CARD6: variants seen among roughly 807,000 people sequenced by gnomAD.
CARD6 encodes caspase recruitment domain family member 6, also known as caspase recruitment domain-containing protein 6.
A neutral mutation model predicts 23.6 loss-of-function variants in CARD6; 27 were observed. The ratio of observed to expected loss-of-function variants is 1.14; its 90% CI spans 0.84 to 1.58. The LOEUF is 1.58. Among genes scored for constraint, CARD6 ranks in the 40% most tolerant of loss-of-function variants. CARD6 has a pLI of 0.00. For missense variants in CARD6, 1,214 were observed against 1,209.9 expected, an observed-to-expected ratio of 1.00 and a Z score of -0.05; for synonymous variants, 397 against 431.8, an observed-to-expected ratio of 0.92 and a Z score of 1.00.
rs764541220 is a variant in CARD6 at position 40,852,767 on chromosome 5, C to A, written c.1435C>A (p.Gln479Lys). ...RILNTLLSPA[Q>K]LKLHKIFLHQ... ...CCTCAACACACTTCTCAGCCCTGCC[C>A]AGTTGAAATTACACAAAATCTTTCT... is the stretch of plus-strand genomic sequence containing the variant. Residue 479 changes from glutamine to lysine, a missense_variant, in exon 3 of 3, where the codon CAG becomes AAG. Coordinates refer to ENST00000254691, the MANE Select transcript of CARD6 (RefSeq NM_032587.4). 1.2e-6 allele frequency: 2 copies of A among 1,614,138 alleles called. No individual in the cohort carries two copies. Among genetic ancestry groups the A allele is most frequent in the Non-Finnish European group, 1.7e-6 (2 of 1,180,016 alleles).
rs777329484 is a variant in CARD6 at position 40,852,345 on chromosome 5, T to C, written c.1013T>C (p.Val338Ala). ...NFLMKVQARD[V>A]TARDSILSHK... is the part of the protein sequence containing the mutation. Reference sequence around the variant, plus strand: ...CTGATGAAAGTTCAAGCACGAGATGTGACGGCTAGGGATTCAATCCTCAGT... The same window carrying C: ...CTGATGAAAGTTCAAGCACGAGATGCGACGGCTAGGGATTCAATCCTCAGT... The change falls in exon 3 of 3, where the codon GTG becomes GCG. Residue 338 changes from valine (V) to alanine (A), a missense_variant. Physicochemically the swap from Val to Ala is moderately conservative, Grantham distance 64 (BLOSUM62 0). Coordinates refer to ENST00000254691, the MANE Select transcript of CARD6 (RefSeq NM_032587.4). The C allele has an allele frequency of 1.2e-6, 2 of 1,614,122 alleles. No individual in the cohort carries two copies. The highest frequency in any genetic ancestry group is 2.2e-5 in the South Asian group (2 of 91,070).
intron 2 of CARD6, among the ~76,000 whole-genome samples, chr5:40,851,382 T>C (rs1425186435): frequency 1.3e-5 from 2 of 152,130 alleles, no homozygotes; most frequent in African/African-American, 4.8e-5. Context: ...TATATATGCA[T>C]GCATACTTAA....
chr5:40,841,559 G>A lies in CARD6; in HGVS notation c.177G>A (p.Lys59=), dbSNP rs1745860628. Residue 59 remains lysine (K), a synonymous_variant, in exon 1 of 3, where the codon AAG becomes AAA. Transcript: ENST00000254691. Reference sequence around the variant, plus strand: ...CAGATCTCCTGAAGAAAAGTCGGAAGCTGTTAATTTTGGTACAGAAAAAGG... The same window carrying A: ...CAGATCTCCTGAAGAAAAGTCGGAAACTGTTAATTTTGGTACAGAAAAAGG... ...NVTDLLKKSR[K]LLILVQKKGE... 1.2e-6 allele frequency: 2 copies of A among 1,614,158 alleles called. No individual in the cohort carries two copies. Among genetic ancestry groups the A allele is most frequent in the Non-Finnish European group, 1.7e-6 (2 of 1,180,016 alleles).
At chr5:40,848,828 T>A (rs115621846) in intron 2 of CARD6, among the ~76,000 whole-genome samples, 3,390 of 152,292 alleles carry the variant, frequency 0.022, 131 homozygotes, top group African/African-American at 0.078. Context: ...TATGAATTTT[T>A]AATTTATAAA....
Position 40,846,079 on chromosome 5 carries a change from C to G in CARD6, c.841+2370C>G, listed in dbSNP as rs183664551. 2.2e-3 allele frequency among the ~76,000 whole-genome samples: 330 copies of G among 151,198 alleles called. 1 individual carries two copies. The highest frequency in any genetic ancestry group is 3.9e-3 in the Non-Finnish European group (264 of 67,858). On this transcript the variant is annotated intron_variant, in intron 2 of 2. Coordinates refer to ENST00000254691, the MANE Select transcript of CARD6 (RefSeq NM_032587.4). ...CCAGGCTGGAGTGCAGTGGCATGAT[C>G]TTGGCTCACTGCAACCTCTGCCTCC...
intron 2 of CARD6, among the ~76,000 whole-genome samples, chr5:40,848,350 G>A (rs1382696557): frequency 6.6e-6 from 1 of 151,716 alleles, no homozygotes; most frequent in Non-Finnish European, 1.5e-5. Flanking sequence ...CAAGTAGCTA[G>A]GGCTACAGGC....
At chr5:40,842,254 A>G (rs1745875092) in intron 1 of CARD6, among the ~76,000 whole-genome samples, 1 of 152,206 alleles carries the variant, frequency 6.6e-6, no homozygotes, top group African/African-American at 2.4e-5. Context: ...TTATTTAGCA[A>G]TTCTGTAAAT....
At chr5:40,846,371 G>A (rs1017641538) in intron 2 of CARD6, among the ~76,000 whole-genome samples, 1 of 151,984 alleles carries the variant, frequency 6.6e-6, no homozygotes, top group Non-Finnish European at 1.5e-5. Context: ...CAAGGTGGAG[G>A]GGGGGAGACA....
In CARD6 at chr5:40,853,575, A is replaced by G; in HGVS notation, c.2243A>G (p.Lys748Arg). ...GGTAACTTTAACCATGTTTCCTTGA[A>G]AGCCTCCTGGGTTATGGGCCGCCCC... The part of the protein sequence containing the change: ...IGGNFNHVSL[K>R]ASWVMGRPFG... Residue 748 changes from lysine (K) to arginine (R), a missense_variant, in exon 3 of 3, where the codon AAA becomes AGA. By Grantham distance (26) the Lys-to-Arg change is conservative (BLOSUM62 2). Coordinates refer to ENST00000254691, the MANE Select transcript of CARD6 (RefSeq NM_032587.4). 1 of 1,614,176 alleles carries G rather than the reference A, an allele frequency of 6.2e-7. No homozygotes were observed. Among genetic ancestry groups the G allele is most frequent in the Non-Finnish European group, 8.5e-7 (1 of 1,180,036 alleles).
chr5:40,853,478 CA>C lies in CARD6; in HGVS notation c.2147del (p.Gln716ArgfsTer13), dbSNP rs1561216857. ...TCAATGTGAGCTCAGCCAGAATCTT[CA>C]GAATCTCTATGGTACCCCAGTATTC... ...GTQCELSQNL[Q>X]NLYGTPVFRP... On this transcript the variant is annotated frameshift_variant, in exon 3 of 3. Transcript: ENST00000254691. LOFTEE classifies it low-confidence loss of function (END_TRUNC). The C allele has an allele frequency of 1.9e-6, 3 of 1,614,212 alleles. No homozygotes were observed. The South Asian group carries it at 3.3e-5, about 18-fold the overall frequency.
At chr5:40,851,468 T>C (rs1168046252) in intron 2 of CARD6, among the ~76,000 whole-genome samples, 2 of 152,162 alleles carry the variant, frequency 1.3e-5, no homozygotes, top group African/African-American at 4.8e-5. Context: ...GAAGCTGACT[T>C]GCCAGAATGG....
At chr5:40,843,114 T>A in intron 1 of CARD6, 38 bp from the exon 2 acceptor site, 2 of 1,432,126 alleles carry the variant, frequency 1.4e-6, no homozygotes, top group Non-Finnish European at 1.9e-6. Flanking sequence ...ATACAGCTTC[T>A]TTTTCTTAAT....
At chr5:40,847,019 G>T (rs1745977655) in intron 2 of CARD6, among the ~76,000 whole-genome samples, 1 of 152,128 alleles carries the variant, frequency 6.6e-6, no homozygotes, top group Admixed American at 6.6e-5. Flanking sequence ...CCATTAACTG[G>T]GGACATTATT....
In CARD6 at chr5:40,852,874, C is replaced by T. The variant is rs775743854; in HGVS notation, c.1542C>T (p.Ser514=). The change falls in exon 3 of 3, where the codon AGC becomes AGT. Residue 514 remains serine, a synonymous_variant. Transcript: ENST00000254691. ...LVEITWCFPD[S]DDRKENPFFQ... is the part of the protein sequence containing the mutation. ...AGATAACATGGTGTTTTCCTGATAG[C>T]GATGATAGAAAGGAAAACCCCTTTT... The T allele has an allele frequency of 6.8e-6, 11 of 1,613,860 alleles. No individual in the cohort carries two copies. Among genetic ancestry groups the T allele is most frequent in the Admixed American group, 1.7e-5 (1 of 59,958 alleles).
intron 1 of CARD6, among the ~76,000 whole-genome samples, chr5:40,841,940 A>G (rs895002101): frequency 6.6e-6 from 1 of 152,242 alleles, no homozygotes; most frequent in African/African-American, 2.4e-5. Flanking sequence ...TTCTGGCAGT[A>G]ACATGCTAAA....
In CARD6 at chr5:40,853,024, A is replaced by G. The variant is rs942432786; in HGVS notation, c.1692A>G (p.Glu564=). The G allele has an allele frequency of 6.2e-6, 10 of 1,614,020 alleles. No homozygotes were observed. Among genetic ancestry groups the G allele is most frequent in the South Asian group, 2.2e-5 (2 of 91,088 alleles). ...FFFTDCLGEK[E]WDLLMFLGEA... is the part of the protein sequence containing the mutation. ...TCACTGACTGTTTAGGTGAGAAGGA[A>G]TGGGACTTGCTAATGTTTTTAGGAG... Residue 564 remains glutamate (E), a synonymous_variant, in exon 3 of 3, where the codon GAA becomes GAG. Coordinates refer to ENST00000254691, the MANE Select transcript of CARD6 (RefSeq NM_032587.4).
Position 40,852,354 on chromosome 5 carries a change from G to A in CARD6, c.1022G>A (p.Arg341Lys), listed in dbSNP as rs1349929971. 6.2e-7 allele frequency: 1 copy of A among 1,614,010 alleles called. No individual in the cohort carries two copies. The highest frequency in any genetic ancestry group is 1.3e-5 in the African/African-American group (1 of 74,930). Residue 341 changes from arginine to lysine, a missense_variant, in exon 3 of 3, where the codon AGG (arginine) becomes AAG (lysine). Coordinates refer to ENST00000254691, the MANE Select transcript of CARD6 (RefSeq NM_032587.4). ...GTTCAAGCACGAGATGTGACGGCTA[G>A]GGATTCAATCCTCAGTCACAAGGTT... ...MKVQARDVTA[R>K]DSILSHKVLD...
intron 2 of CARD6, among the ~76,000 whole-genome samples, chr5:40,847,942 A>C (rs1434949738): frequency 6.6e-6 from 1 of 151,830 alleles, no homozygotes; most frequent in Non-Finnish European, 1.5e-5. Context: ...TGAGACTTCG[A>C]GTACATGAAT....
chr5:40,841,922 G>T (rs1745870410), intron 1 of CARD6, among the ~76,000 whole-genome samples: 1 of 152,138 alleles, frequency 6.6e-6, no homozygotes, highest in Non-Finnish European at 1.5e-5. Flanking sequence ...CTAACAAACT[G>T]CTCATTATTC....
Sources: allele counts gnomAD v4.1 joint callset (sites outside exome capture counted in the v4.1 genomes callset), GRCh38; gene constraint gnomAD v4.1.1; transcripts MANE v1.5; gene names NCBI Gene and HGNC (gene_info 2026-07-23, HGNC 2026-07-21).